Variants in LRRC4C observed in about 807,000 individuals in gnomAD.
LRRC4C encodes the protein leucine rich repeat containing 4C.
In LRRC4C, 5 loss-of-function variants were observed where a neutral mutation model predicts 33.6. The ratio of observed to expected loss-of-function variants is 0.15; its 90% confidence interval spans 0.08 to 0.31. The LOEUF (loss-of-function observed/expected upper bound fraction) is 0.31. Among genes scored for constraint, LRRC4C ranks in the 10% least tolerant of loss-of-function variants. LRRC4C has a pLI of 1.00. For synonymous variants in LRRC4C, 329 were observed against 302.0 expected (o/e 1.09, Z -0.93); for missense variants, 560 against 796.7 (o/e 0.70, Z 3.58).
intron 1 of LRRC4C, among the ~76,000 whole-genome samples, chr11:41,147,470 T>G (rs933548498): frequency 3.3e-5 from 5 of 152,214 alleles, no homozygotes; most frequent in Admixed American, 6.5e-5. Context: ...TACATCAACC[T>G]ACTTTATGTT....
At chr11:41,326,631 G>T (rs966185904) in intron 1 of LRRC4C, among the ~76,000 whole-genome samples, 1 of 151,578 alleles carries the variant, frequency 6.6e-6, no homozygotes, top group Non-Finnish European at 1.5e-5. Flanking sequence ...ATGTAGATCT[G>T]ATATAGAAGT....
At chr11:40,289,172 T>C (rs1944032512) in intron 4 of LRRC4C, among the ~76,000 whole-genome samples, 1 of 152,168 alleles carries the variant, frequency 6.6e-6, no homozygotes, top group Admixed American at 6.5e-5. Flanking sequence ...CTCCCTATTT[T>C]ACATGTATTG....
intron 3 of LRRC4C, among the ~76,000 whole-genome samples, chr11:40,566,283 A>T (rs1230530906): frequency 6.6e-6 from 1 of 151,764 alleles, no homozygotes; most frequent in Non-Finnish European, 1.5e-5. Context: ...ATATTATATA[A>T]TTCATATTAA....
At chr11:41,011,954 T>A (rs1855230952) in intron 1 of LRRC4C, among the ~76,000 whole-genome samples, 3 of 149,882 alleles carry the variant, frequency 2.0e-5, no homozygotes, top group African/African-American at 7.3e-5. Flanking sequence ...TTTTTTTTTT[T>A]ATTGATACTT....
At chr11:40,393,229 A>G (rs1454066638) in intron 3 of LRRC4C, among the ~76,000 whole-genome samples, 22 of 152,134 alleles carry the variant, frequency 1.4e-4, no homozygotes, top group African/African-American at 2.4e-5. Flanking sequence ...AAACTTATAA[A>G]TAATATGATG....
chr11:40,392,225 C>T (rs944634149), intron 3 of LRRC4C, among the ~76,000 whole-genome samples: 2 of 152,074 alleles, frequency 1.3e-5, no homozygotes, highest in African/African-American at 2.4e-5. Flanking sequence ...CTGTATGATA[C>T]TCTAATGATG....
intron 1 of LRRC4C, among the ~76,000 whole-genome samples, chr11:41,398,425 T>C (rs916626650): frequency 6.6e-6 from 1 of 152,038 alleles, no homozygotes; most frequent in Admixed American, 6.6e-5. Flanking sequence ...GAAACTTCCT[T>C]TCAGTTAATT....
At chr11:40,156,728 A>G (rs1590557493) in intron 5 of LRRC4C, among the ~76,000 whole-genome samples, 2 of 152,260 alleles carry the variant, frequency 1.3e-5, no homozygotes, top group South Asian at 4.1e-4. Context: ...AGACCTCTAC[A>G]AGGAAAACTA....
At chr11:41,288,418 G>C (rs571620301) in intron 1 of LRRC4C, among the ~76,000 whole-genome samples, 6 of 152,224 alleles carry the variant, frequency 3.9e-5, no homozygotes, top group African/African-American at 1.4e-4. Context: ...ACTGGGGAGA[G>C]AGAGTGTATG....
chr11:40,689,007 G>A (rs892630279), intron 2 of LRRC4C, among the ~76,000 whole-genome samples: 2 of 152,074 alleles, frequency 1.3e-5, no homozygotes, highest in Non-Finnish European at 2.9e-5. Context: ...TTGGAAAACA[G>A]CGGATGAGGA....
chr11:40,932,514 T>C (rs774832797), intron 2 of LRRC4C, among the ~76,000 whole-genome samples: 9 of 152,090 alleles, frequency 5.9e-5, no homozygotes, highest in Non-Finnish European at 1.3e-4. Flanking sequence ...TTGGTTTTAG[T>C]CTGCATGGAA....
chr11:41,164,071 TA>T (rs1232765273), intron 1 of LRRC4C, among the ~76,000 whole-genome samples: 1 of 152,202 alleles, frequency 6.6e-6, no homozygotes, highest in Non-Finnish European at 1.5e-5. Context: ...ATTTATCAAT[TA>T]TTTAACTCTA....
intron 1 of LRRC4C, among the ~76,000 whole-genome samples, chr11:41,228,640 T>C (rs1272404308): frequency 6.6e-6 from 1 of 152,156 alleles, no homozygotes; most frequent in Non-Finnish European, 1.5e-5. Flanking sequence ...ATTCTGAAGA[T>C]TGATATCTTT....
intron 2 of LRRC4C, among the ~76,000 whole-genome samples, chr11:40,675,982 T>C (rs1422313370): frequency 6.6e-6 from 1 of 152,172 alleles, no homozygotes; most frequent in Non-Finnish European, 1.5e-5. Context: ...ATATAATTTG[T>C]TCTCCATAAA....
intron 2 of LRRC4C, among the ~76,000 whole-genome samples, chr11:40,763,425 C>T (rs1222283529): frequency 6.6e-6 from 1 of 152,078 alleles, no homozygotes; most frequent in Non-Finnish European, 1.5e-5. Flanking sequence ...TAGTGATCAT[C>T]CCCACTGCTG....
intron 2 of LRRC4C, among the ~76,000 whole-genome samples, chr11:40,891,015 G>A (rs1032482009): frequency 2.0e-5 from 3 of 152,082 alleles, no homozygotes; most frequent in African/African-American, 7.2e-5. Context: ...GGCCGAAGCC[G>A]GGAGATCACC....
chr11:40,140,534 C>T (rs1857291332), intron 6 of LRRC4C, among the ~76,000 whole-genome samples: 2 of 152,204 alleles, frequency 1.3e-5, no homozygotes, highest in South Asian at 2.1e-4. Context: ...AAGCAGGGAA[C>T]ATGAGGCTGT....
At chr11:40,765,866 C>T (rs2137115693) in intron 2 of LRRC4C, among the ~76,000 whole-genome samples, 1 of 151,872 alleles carries the variant, frequency 6.6e-6, no homozygotes, top group South Asian at 2.1e-4. Flanking sequence ...ATCTAAGAGT[C>T]ATTGGCCTTA....
At chr11:41,336,495 A>G (rs893667577) in intron 1 of LRRC4C, among the ~76,000 whole-genome samples, 1 of 152,148 alleles carries the variant, frequency 6.6e-6, no homozygotes, top group Non-Finnish European at 1.5e-5. Flanking sequence ...CAAGTATAGT[A>G]GAAAGAAGCA....
Sources: gnomAD v4.1 joint callset for allele counts (sites outside exome capture counted in the v4.1 genomes callset) on GRCh38, gnomAD v4.1.1 for gene constraint, MANE v1.5 for transcripts, NCBI Gene and HGNC (gene_info 2026-07-23, HGNC 2026-07-21) for gene names.